The following TRAPPC9 variants were observed in gnomAD, a reference collection of about 807,000 sequenced individuals.
TRAPPC9 encodes trafficking protein particle complex subunit 9, also known as IKK2 binding protein.
Under a neutral mutation model 124.0 loss-of-function variants are expected in TRAPPC9, and 83 were observed. That is an observed-to-expected ratio of 0.67 (90% CI 0.56 to 0.80). The LOEUF (loss-of-function observed/expected upper bound fraction) is 0.80. Ranked by LOEUF, TRAPPC9 falls within the 30% of genes least tolerant of loss-of-function variation. The pLI, the probability that TRAPPC9 is intolerant of heterozygous loss-of-function variation, is 0.00. For synonymous variants in TRAPPC9, 638 were observed against 617.5 expected, an observed-to-expected ratio of 1.03 and a Z score of -0.49; for missense variants, 1,302 against 1,508.3, an observed-to-expected ratio of 0.86 and a Z score of 2.27.
intron 21 of TRAPPC9, among the ~76,000 whole-genome samples, chr8:139,870,317 A>ACCTC (rs1828818457): frequency 6.6e-6 from 1 of 152,210 alleles, no homozygotes; most frequent in Non-Finnish European, 1.5e-5. Flanking sequence ...ACCAGGAGAA[A>ACCTC]ACATGGGAGA....
At chr8:140,392,879 C>T (rs1208586813) in intron 7 of TRAPPC9, among the ~76,000 whole-genome samples, 4 of 152,176 alleles carry the variant, frequency 2.6e-5, no homozygotes, top group Non-Finnish European at 5.9e-5. Flanking sequence ...CTGCCTGCAT[C>T]CCTTTGATAC....
chr8:139,728,054 T>C lies in TRAPPC9; in HGVS notation c.*3007A>G, dbSNP rs1056426099. On this transcript the variant is annotated 3_prime_UTR_variant, in exon 23 of 23. Coordinates refer to ENST00000438773, the MANE Select transcript of TRAPPC9 (RefSeq NM_001160372.4). ...AAAAAATCTAGGAGGTTAAATCAAATAAACTGATATGAAAGTGTCCATGAA... is the reference window on the plus strand; with the variant it reads ...AAAAAATCTAGGAGGTTAAATCAAACAAACTGATATGAAAGTGTCCATGAA... Among the ~76,000 whole-genome samples, 1 of 152,096 alleles carries C rather than the reference T, an allele frequency of 6.6e-6. No homozygotes were observed. The highest frequency in any genetic ancestry group is 2.4e-5 in the African/African-American group (1 of 41,414).
At chr8:140,458,514 G>A (rs1334808447), upstream of TRAPPC9, 9 of 1,583,670 alleles carry the variant, frequency 5.7e-6, no homozygotes, top group African/African-American at 8.1e-5. Context: ...CCCCAGCCTG[G>A]GCCGGCTTCC....
chr8:140,332,892 T>C (rs567545599), intron 9 of TRAPPC9, among the ~76,000 whole-genome samples: 1 of 152,202 alleles, frequency 6.6e-6, no homozygotes, highest in South Asian at 2.1e-4. Context: ...TCCCAGAACT[T>C]TGGGAGGCCA....
intron 17 of TRAPPC9, among the ~76,000 whole-genome samples, chr8:140,084,285 A>G (rs1373421445): frequency 6.6e-6 from 1 of 152,200 alleles, no homozygotes; most frequent in Non-Finnish European, 1.5e-5. Context: ...AAATCTCTAT[A>G]AATCTAAAAC....
chr8:139,838,763 G>A (rs1308171915), intron 21 of TRAPPC9, among the ~76,000 whole-genome samples: 1 of 152,220 alleles, frequency 6.6e-6, no homozygotes, highest in Non-Finnish European at 1.5e-5. Context: ...TTTTCTGGCT[G>A]CCTCTGACAG....
intron 19 of TRAPPC9, among the ~76,000 whole-genome samples, chr8:139,929,618 T>C (rs1246557133): frequency 2.0e-5 from 3 of 152,268 alleles, no homozygotes; most frequent in Non-Finnish European, 2.9e-5. Flanking sequence ...CTGCTGCTTC[T>C]TCCTGAGCTA....
At chr8:139,821,212 A>G (rs1825228939) in intron 21 of TRAPPC9, among the ~76,000 whole-genome samples, 1 of 152,240 alleles carries the variant, frequency 6.6e-6, no homozygotes, top group African/African-American at 2.4e-5. Context: ...TCAAAGAAAC[A>G]CATGAGCAAA....
chr8:140,167,514 G>A (rs576523076), intron 17 of TRAPPC9, among the ~76,000 whole-genome samples: 2 of 152,276 alleles, frequency 1.3e-5, no homozygotes, highest in East Asian at 3.9e-4. Flanking sequence ...GGTTCTGAGG[G>A]CTGACTGAGG....
At chr8:140,000,789 G>A (rs532825030) in intron 18 of TRAPPC9, among the ~76,000 whole-genome samples, 37 of 152,150 alleles carry the variant, frequency 2.4e-4, no homozygotes, top group Non-Finnish European at 4.1e-4. Flanking sequence ...TGGTGGGAGC[G>A]TAAATTAGTT....
intron 17 of TRAPPC9, among the ~76,000 whole-genome samples, chr8:140,080,315 C>T (rs1843742147): frequency 6.6e-6 from 1 of 152,194 alleles, no homozygotes; most frequent in South Asian, 2.1e-4. Flanking sequence ...AAACACCACG[C>T]CACACTCATT....
At chr8:139,865,652 G>T (rs758276880) in intron 21 of TRAPPC9, among the ~76,000 whole-genome samples, 3 of 152,162 alleles carry the variant, frequency 2.0e-5, no homozygotes, top group Non-Finnish European at 4.4e-5. Flanking sequence ...GGGACCTAAG[G>T]TCAGAGGCCA....
chr8:140,359,377 A>G (rs1208529358), intron 9 of TRAPPC9, among the ~76,000 whole-genome samples: 4 of 152,180 alleles, frequency 2.6e-5, no homozygotes, highest in Non-Finnish European at 5.9e-5. Flanking sequence ...GCGCGTAGGG[A>G]AACAGGTCAT....
At chr8:140,402,565 G>A (rs1190858868) in intron 6 of TRAPPC9, among the ~76,000 whole-genome samples, 2 of 151,832 alleles carry the variant, frequency 1.3e-5, no homozygotes, top group Non-Finnish European at 2.9e-5. Context: ...GCATGGTGTT[G>A]CACACCTGTA....
chr8:140,210,342 G>A (rs1020478444), intron 17 of TRAPPC9, among the ~76,000 whole-genome samples: 11 of 152,244 alleles, frequency 7.2e-5, no homozygotes, highest in East Asian at 3.9e-4. Flanking sequence ...AACGCGCACC[G>A]TCAATGCAGA....
At chr8:140,199,781 GCA>G (rs1309932185) in intron 17 of TRAPPC9, among the ~76,000 whole-genome samples, 2 of 151,886 alleles carry the variant, frequency 1.3e-5, no homozygotes. Context: ...TCCCCAATAG[GCA>G]CATTTATTTA....
intron 19 of TRAPPC9, among the ~76,000 whole-genome samples, chr8:139,936,215 C>A (rs915260216): frequency 3.9e-5 from 6 of 152,256 alleles, no homozygotes; most frequent in African/African-American, 1.4e-4. Flanking sequence ...CCGTCTAGCA[C>A]GCACCATCAC....
Position 140,122,706 on chromosome 8 carries a change from C to T in TRAPPC9, c.2557-98627G>A, listed in dbSNP as rs150478146. ...CAAAGACTGGGTAATGAGTAGGGAG[C>T]GGCAGAGAGGAACAAAGCTGCCTCA... is the stretch of plus-strand genomic sequence containing the variant. On this transcript the variant is annotated intron_variant, in intron 17 of 22. Coordinates refer to ENST00000438773, the MANE Select transcript of TRAPPC9 (RefSeq NM_001160372.4). 7.2e-5 allele frequency among the ~76,000 whole-genome samples: 11 copies of T among 152,212 alleles called. No individual in the cohort carries two copies. In the East Asian group the frequency reaches 7.7e-4, roughly 11 times the overall value.
chr8:140,397,790 T>C, intron 6 of TRAPPC9, 45 bp from the exon 7 acceptor site: 4 of 1,611,268 alleles, frequency 2.5e-6, no homozygotes, highest in Non-Finnish European at 3.4e-6. Context: ...AGAGTTCAGA[T>C]GTTTCTGTCA....
Sources: allele counts gnomAD v4.1 joint callset (sites outside exome capture counted in the v4.1 genomes callset), GRCh38; gene constraint gnomAD v4.1.1; transcripts MANE v1.5; gene names NCBI Gene and HGNC (gene_info 2026-07-23, HGNC 2026-07-21).